Variants in VEGFC observed in about 807,000 individuals in gnomAD.
The protein encoded by VEGFC is FLT4 ligand DHM.
A neutral mutation model predicts 46.1 loss-of-function variants in VEGFC; 12 were observed. The observed-to-expected ratio is 0.26, with a 90% CI of 0.17 to 0.42. The LOEUF is 0.42. VEGFC is among the 10% of genes least tolerant of loss of function. The probability of loss-of-function intolerance (pLI) is 1.00; values close to 1 mark genes in which losing one functional copy is unlikely to be tolerated. For synonymous variants in VEGFC, 232 were observed against 195.5 expected (o/e 1.19, Z -1.56); for missense variants, 488 against 529.4 (o/e 0.92, Z 0.77).
At chr4:176,714,173 G>C (rs1384982669) in intron 3 of VEGFC, among the ~76,000 whole-genome samples, 1 of 152,226 alleles carries the variant, frequency 6.6e-6, no homozygotes, top group East Asian at 1.9e-4. Flanking sequence ...GGTGGGAGCT[G>C]GCGGGAGATG....
chr4:176,738,107 C>A (rs562713566), intron 1 of VEGFC, among the ~76,000 whole-genome samples: 1 of 152,038 alleles, frequency 6.6e-6, no homozygotes, highest in East Asian at 1.9e-4. Context: ...GAATCAATAT[C>A]ATGAAAATGG....
chr4:176,687,534 C>CA lies in VEGFC; in HGVS notation c.812-15dup, dbSNP rs1734066722. The stretch of plus-strand genomic sequence containing the variant: ...CATCTGTTGAGTCTAGACAAATAGT[C>CA]AGAGAATCTTTACTATACCTTACTT... On this transcript the variant is annotated splice_polypyrimidine_tract_variant and intron_variant, in intron 5 of 6. Coordinates refer to ENST00000618562, the MANE Select transcript of VEGFC (RefSeq NM_005429.5). The CA allele has an allele frequency of 1.3e-6, 2 of 1,555,814 alleles. No individual in the cohort carries two copies. The highest frequency in any genetic ancestry group is 2.1e-5 in the Admixed American group (1 of 48,712).
intron 1 of VEGFC, among the ~76,000 whole-genome samples, chr4:176,731,086 T>C (rs138483619): frequency 7.7e-4 from 117 of 152,212 alleles, no homozygotes; most frequent in African/African-American, 2.7e-3. Context: ...TATTATTCCA[T>C]TACTTTCTGA....
At chr4:176,753,152 G>A (rs1579123606) in intron 1 of VEGFC, among the ~76,000 whole-genome samples, 1 of 152,078 alleles carries the variant, frequency 6.6e-6, no homozygotes, top group South Asian at 2.1e-4. Flanking sequence ...CTGGTGAATG[G>A]TAGTGCTGAC....
At chr4:176,782,962 T>G (rs1047955571) in intron 1 of VEGFC, among the ~76,000 whole-genome samples, 15 of 152,192 alleles carry the variant, frequency 9.9e-5, no homozygotes, top group Non-Finnish European at 1.2e-4. Flanking sequence ...GGGAAGTGTG[T>G]CCACCACTGA....
chr4:176,722,809 A>G (rs1367157972), intron 3 of VEGFC, among the ~76,000 whole-genome samples: 4 of 152,036 alleles, frequency 2.6e-5, no homozygotes, highest in African/African-American at 9.7e-5. Context: ...GAAGCCTTGC[A>G]ATTTCTAAAG....
In VEGFC at chr4:176,740,116, T is replaced by G. The variant is rs371375549; in HGVS notation, c.148-10370A>C. 4.3e-4 allele frequency among the ~76,000 whole-genome samples: 42 copies of G among 96,592 alleles called. 3 individuals are homozygous for G. The highest frequency in any genetic ancestry group is 1.3e-3 in the African/African-American group (40 of 31,084). The allele number at this position is 96,592 out of a possible 152,430, so 63.4% of individuals were successfully genotyped here. A position where few individuals can be genotyped will look rare whatever the true frequency, so the allele number is the denominator to read the frequency against. ...ATTCTATACATATATTCTATATATATATTCTATATATAGAATATATAACTA... is the reference window on the plus strand; with the variant it reads ...ATTCTATACATATATTCTATATATAGATTCTATATATAGAATATATAACTA... On this transcript the variant is annotated intron_variant, in intron 1 of 6. Transcript: ENST00000618562.
chr4:176,754,813 C>T (rs1735404691), intron 1 of VEGFC, among the ~76,000 whole-genome samples: 1 of 152,104 alleles, frequency 6.6e-6, no homozygotes, highest in East Asian at 1.9e-4. Flanking sequence ...CTATCTATAC[C>T]AGTGTGAAGT....
At chr4:176,742,754 G>T (rs975345350) in intron 1 of VEGFC, among the ~76,000 whole-genome samples, 1 of 151,996 alleles carries the variant, frequency 6.6e-6, no homozygotes, top group African/African-American at 2.4e-5. Context: ...CTTGTAAGTT[G>T]TAAAATTGCA....
Position 176,729,630 on chromosome 4 carries a change from T to C in VEGFC, c.264A>G (p.Gly88=), listed in dbSNP as rs902373634. 6.2e-7 allele frequency: 1 copy of C among 1,613,806 alleles called. No individual in the cohort carries two copies. The highest frequency in any genetic ancestry group is 1.3e-5 in the African/African-American group (1 of 74,912). Residue 88 remains glycine (G), a synonymous_variant, in exon 2 of 7, where the codon GGA becomes GGG. Coordinates refer to ENST00000618562, the MANE Select transcript of VEGFC (RefSeq NM_005429.5). ...WKMYKCQLRK[G]GWQHNREQAN... Reference sequence around the variant, plus strand: ...CCTGTTCTCTGTTATGTTGCCAGCCTCCTTTCCTTAGCTGACACTTGTACA... The same window carrying C: ...CCTGTTCTCTGTTATGTTGCCAGCCCCCTTTCCTTAGCTGACACTTGTACA...
chr4:176,758,235 T>C (rs1380899133), intron 1 of VEGFC, among the ~76,000 whole-genome samples: 1 of 152,096 alleles, frequency 6.6e-6, no homozygotes, highest in Non-Finnish European at 1.5e-5. Flanking sequence ...CAATATTCTA[T>C]CATATATGTG....
chr4:176,711,555 A>T lies in VEGFC; in HGVS notation c.648T>A (p.Asp216Glu). 6.2e-7 allele frequency: 1 copy of T among 1,613,790 alleles called. No individual in the cohort carries two copies. The highest frequency in any genetic ancestry group is 2.2e-5 in the East Asian group (1 of 44,850). The change falls in exon 4 of 7, where the codon GAT (aspartate) becomes GAA (glutamate). Residue 216 changes from aspartate (D) to glutamate (E), a missense_variant. Physicochemically the swap from Asp to Glu is conservative, Grantham distance 45. Transcript: ENST00000618562. Reference protein sequence around the residue: ...HTSCRCMSKLDVYRQVHSIIR... With the variant: ...HTSCRCMSKLEVYRQVHSIIR... ...TAATGGAATGAACTTGTCTGTAAAC[A>T]TCCAGTTTAGACATGCATCGGCAGG...
At chr4:176,733,610 T>G (rs1735003636) in intron 1 of VEGFC, among the ~76,000 whole-genome samples, 1 of 151,682 alleles carries the variant, frequency 6.6e-6, no homozygotes, top group Non-Finnish European at 1.5e-5. Context: ...GGAGAATGAG[T>G]ATGACCACAA....
intron 4 of VEGFC, among the ~76,000 whole-genome samples, chr4:176,692,625 A>G (rs1408340176): frequency 1.4e-5 from 2 of 142,980 alleles, no homozygotes; most frequent in East Asian, 2.0e-4. Context: ...GGAGCCCACC[A>G]CAGCTCAAGG....
chr4:176,692,910 G>A (rs1734232980), intron 4 of VEGFC, among the ~76,000 whole-genome samples: 1 of 147,674 alleles, frequency 6.8e-6, no homozygotes, highest in Non-Finnish European at 1.5e-5. Flanking sequence ...ACCTGCAGCT[G>A]AGGGTCCTGT....
chr4:176,770,896 C>G (rs1338439916), intron 1 of VEGFC, among the ~76,000 whole-genome samples: 5 of 151,706 alleles, frequency 3.3e-5, no homozygotes, highest in Non-Finnish European at 5.9e-5. Flanking sequence ...TTGAGATACC[C>G]ATGAGAATGT....
At chr4:176,743,562 AAAC>A (rs1735211861) in intron 1 of VEGFC, among the ~76,000 whole-genome samples, 1 of 150,356 alleles carries the variant, frequency 6.7e-6, no homozygotes. Context: ...AATCTGTATA[AAAC>A]AATATATTAT....
At position 176,740,167 on chromosome 4, in the gene VEGFC, A is replaced by T. The variant is rs543598148; in HGVS notation, c.148-10421T>A. On this transcript the variant is annotated intron_variant, in intron 1 of 6. Coordinates refer to ENST00000618562, the MANE Select transcript of VEGFC (RefSeq NM_005429.5). ...TATATAGAAGTTATATATATAGAATATATATAACTATATATAACTATATAT... is the reference window on the plus strand; with the variant it reads ...TATATAGAAGTTATATATATAGAATTTATATAACTATATATAACTATATAT... Among the ~76,000 whole-genome samples, 5 of 124,934 alleles carry T rather than the reference A, an allele frequency of 4.0e-5. No homozygotes were observed. In the East Asian group the frequency reaches 1.1e-3, roughly 28 times the overall value. 82.0% of individuals were successfully genotyped at this position (124,934 alleles called of 152,430 possible).
intron 1 of VEGFC, among the ~76,000 whole-genome samples, chr4:176,776,631 A>G (rs1735817842): frequency 6.6e-6 from 1 of 152,230 alleles, no homozygotes. Context: ...AAAGCCAAAG[A>G]GAGAGAAGAA....
Sources: allele counts gnomAD v4.1 joint callset (sites outside exome capture counted in the v4.1 genomes callset), GRCh38; gene constraint gnomAD v4.1.1; transcripts MANE v1.5; gene names NCBI Gene and HGNC (gene_info 2026-07-23, HGNC 2026-07-21).